Variants in GAD2 observed in about 807,000 individuals in gnomAD.
GAD2 encodes 65 kDa glutamic acid decarboxylase.
A neutral mutation model predicts 80.1 loss-of-function variants in GAD2; 22 were observed. The ratio of observed to expected loss-of-function variants is 0.27; its 90% CI spans 0.20 to 0.39. The LOEUF (loss-of-function observed/expected upper bound fraction) is 0.39, where lower values mean the gene tolerates loss of function less well. GAD2 is among the 10% of genes least tolerant of loss of function. The pLI is 1.00. For missense variants in GAD2, 624 were observed against 738.4 expected (o/e 0.85, Z 1.80); for synonymous variants, 274 against 256.9 (o/e 1.07, Z -0.64).
rs1027258107 is a variant in GAD2, at chr10:26,217,354, G to T, written c.77-256G>T. On this transcript the variant is annotated intron_variant, in intron 1 of 15. Coordinates refer to ENST00000376261, the MANE Select transcript of GAD2 (RefSeq NM_001134366.2). The surrounding 1 kb of genome is among the most constrained non-coding windows in gnomAD (Gnocchi z 4.9). ...GCAGGGAGAGGAATTTGCCTGAGCC[G>T]ATTGGCACCTGGAAGGGCAGCGGTG... Among the ~76,000 whole-genome samples the T allele has an allele frequency of 1.3e-5, 2 of 152,256 alleles. No homozygotes were observed. The highest frequency in any genetic ancestry group is 4.8e-5 in the African/African-American group (2 of 41,564).
At chr10:26,248,248 A>G (rs1250313793) in intron 8 of GAD2, among the ~76,000 whole-genome samples, 1 of 152,240 alleles carries the variant, frequency 6.6e-6, no homozygotes, top group Non-Finnish European at 1.5e-5. Flanking sequence ...AGCAGGACTT[A>G]TAGGACATAG....
rs774750698 is a variant in GAD2 at position 26,217,907 on chromosome 10, G to T, written c.202G>T (p.Ala68Ser). ...CGGGAGCCAACCCCCGCGGGCCGCC[G>T]CCCGGAAGGCCGCCTGCGCCTGCGA... is the stretch of plus-strand genomic sequence containing the variant. Reference protein sequence around the residue: ...SGGSQPPRAAARKAACACDQK... With the variant: ...SGGSQPPRAASRKAACACDQK... Residue 68 changes from alanine to serine, a missense_variant, in exon 3 of 16, where the codon GCC (alanine) becomes TCC (serine). By Grantham distance (99) the Ala-to-Ser change is moderately conservative (BLOSUM62 1). Transcript: ENST00000376261. The surrounding 1 kb of genome is among the most constrained non-coding windows in gnomAD (Gnocchi z 4.9). 2.5e-6 allele frequency: 4 copies of T among 1,610,072 alleles called. No homozygotes were observed. The East Asian group carries it at 8.9e-5, about 36-fold the overall frequency.
intron 8 of GAD2, among the ~76,000 whole-genome samples, chr10:26,260,046 T>A (rs969676762): frequency 6.6e-6 from 1 of 152,182 alleles, no homozygotes; most frequent in Non-Finnish European, 1.5e-5. Context: ...TATTTACATA[T>A]ATTTTAACAT....
chr10:26,248,838 T>G (rs1844842872), intron 8 of GAD2, among the ~76,000 whole-genome samples: 1 of 152,190 alleles, frequency 6.6e-6, no homozygotes, highest in African/African-American at 2.4e-5. Context: ...TTTTTTCTTT[T>G]GGGGCAAGGA....
At chr10:26,239,198 A>C (rs1300859015) in intron 7 of GAD2, among the ~76,000 whole-genome samples, 1 of 152,218 alleles carries the variant, frequency 6.6e-6, no homozygotes, top group African/African-American at 2.4e-5. Flanking sequence ...GGAAGGTAGA[A>C]TGCTTGATAG....
chr10:26,298,346 C>T (rs1834296597), intron 15 of GAD2, among the ~76,000 whole-genome samples: 2 of 152,128 alleles, frequency 1.3e-5, no homozygotes, highest in African/African-American at 4.8e-5. Flanking sequence ...GAATATACAA[C>T]GAAGTAGATG....
chr10:26,216,824 C>G lies in GAD2; in HGVS notation c.15C>G (p.Gly5=), dbSNP rs201811839. Residue 5 remains glycine (G), a synonymous_variant, in exon 1 of 16, where the codon GGC becomes GGG. Coordinates refer to ENST00000376261, the MANE Select transcript of GAD2 (RefSeq NM_001134366.2). This position sits in a 1 kb window ranked among gnomAD's most constrained non-coding sequence, Gnocchi z 4.7. ...CTCCAAAGCCGATGGCATCTCCGGG[C>G]TCTGGCTTTTGGTCTTTCGGGTCGG... MASP[G]SGFWSFGSED... is the part of the protein sequence containing the mutation. 4 of 1,612,658 alleles carry G rather than the reference C, an allele frequency of 2.5e-6. No homozygotes were observed. Among genetic ancestry groups the G allele is most frequent in the Admixed American group, 1.7e-5 (1 of 59,886 alleles).
At position 26,283,238 on chromosome 10, in the gene GAD2, T is replaced by C. The variant is rs1379883801; in HGVS notation, c.1236+2151T>C. 2.0e-5 allele frequency among the ~76,000 whole-genome samples: 3 copies of C among 152,304 alleles called. No individual in the cohort carries two copies. In the East Asian group the frequency reaches 5.8e-4, roughly 29 times the overall value. On this transcript the variant is annotated intron_variant, in intron 12 of 15. Transcript: ENST00000376261. ...ATTCACGGACTGTTTGAGTAAAACA[T>C]AGAAGCTTATTAATGTTTCAGATGA...
At chr10:26,266,559 G>T (rs1342651084) in intron 8 of GAD2, among the ~76,000 whole-genome samples, 1 of 152,148 alleles carries the variant, frequency 6.6e-6, no homozygotes, top group Non-Finnish European at 1.5e-5. Context: ...CCATATGTCA[G>T]GCTCTGGGTC....
chr10:26,216,682 G>C (rs1844374846), upstream of GAD2: 2 of 576,936 alleles, frequency 3.5e-6, no homozygotes, highest in Non-Finnish European at 2.8e-6. This position sits in a 1 kb window ranked among gnomAD's most constrained non-coding sequence, Gnocchi z 4.7. Context: ...CTCGCCGCTC[G>C]GCCCCGCCGG....
upstream of GAD2, chr10:26,216,646 T>A: frequency 2.0e-6 from 1 of 491,842 alleles, no homozygotes; most frequent in South Asian, 2.9e-5. The surrounding 1 kb of genome is among the most constrained non-coding windows in gnomAD (Gnocchi z 4.7). Context: ...GACACGCACG[T>A]TTTCTGTTCC....
Position 26,302,882 on chromosome 10 carries a change from C to A in GAD2, c.*1921C>A, listed in dbSNP as rs1834342534. ...CCCGCAGAATTTCATGAAGGAGTAA[C>A]CTTCCATTCTAGGCTTTGTCTAATG... On this transcript the variant is annotated 3_prime_UTR_variant, in exon 16 of 16. Transcript: ENST00000376261. 3 of 152,154 alleles carry A rather than the reference C, an allele frequency of 2.0e-5. No homozygotes were observed. Among genetic ancestry groups the A allele is most frequent in the Admixed American group, 6.5e-5 (1 of 15,276 alleles). The allele number at this position is 152,154 out of a possible 1,614,324, so 9.4% of individuals were successfully genotyped here. A position where few individuals can be genotyped will look rare whatever the true frequency, so the allele number is the denominator to read the frequency against.
chr10:26,250,421 G>A (rs1470932120), intron 8 of GAD2, among the ~76,000 whole-genome samples: 1 of 152,174 alleles, frequency 6.6e-6, no homozygotes, highest in African/African-American at 2.4e-5. Flanking sequence ...TACACCCCTT[G>A]GGAGAGACAG....
At chr10:26,254,654 A>G (rs1285824732) in intron 8 of GAD2, among the ~76,000 whole-genome samples, 1 of 152,252 alleles carries the variant, frequency 6.6e-6, no homozygotes, top group Non-Finnish European at 1.5e-5. Flanking sequence ...ACTAAAAGAC[A>G]TGGGACATCA....
In GAD2 at chr10:26,300,675, A is replaced by G. The variant is rs8190798; in HGVS notation, c.1585-113A>G. Reference sequence around the variant, plus strand: ...GAGGTAACTCTTTCAAGAGAAAACAATAAGGTTCTGACTGTTGAGCTAAAA... The same window carrying G: ...GAGGTAACTCTTTCAAGAGAAAACAGTAAGGTTCTGACTGTTGAGCTAAAA... On this transcript the variant is annotated intron_variant, in intron 15 of 15. Coordinates refer to ENST00000376261, the MANE Select transcript of GAD2 (RefSeq NM_001134366.2). The G allele has an allele frequency of 0.021, 19,232 of 905,662 alleles. 2,317 individuals carry two copies. In the African/African-American group the frequency reaches 0.27, roughly 13 times the overall value. The allele number at this position is 905,662 out of a possible 1,614,324, so 56.1% of individuals were successfully genotyped here.
At chr10:26,233,985 C>T (rs932269115) in intron 7 of GAD2, among the ~76,000 whole-genome samples, 7 of 152,100 alleles carry the variant, frequency 4.6e-5, no homozygotes, top group Non-Finnish European at 8.8e-5. Flanking sequence ...TGCCTCAGTG[C>T]CTGGGACACA....
chr10:26,226,987 A>G (rs1411667932), intron 6 of GAD2, among the ~76,000 whole-genome samples: 1 of 151,976 alleles, frequency 6.6e-6, no homozygotes, highest in Non-Finnish European at 1.5e-5. Flanking sequence ...GCTTTTATTC[A>G]TGTATTTTAT....
intron 8 of GAD2, among the ~76,000 whole-genome samples, chr10:26,258,427 T>G (rs1844970142): frequency 6.6e-6 from 1 of 152,194 alleles, no homozygotes; most frequent in Non-Finnish European, 1.5e-5. Flanking sequence ...ATTGTGCATT[T>G]CAGTGGTGTG....
Position 26,217,702 on chromosome 10 carries a change from G to A in GAD2, c.136+33G>A. ...CCCAGGGACCGGGGCGGCCAAGGTC[G>A]GCCCGCGGGGTCCAAGCAGTCTTCT... On this transcript the variant is annotated intron_variant, in intron 2 of 15. Coordinates refer to ENST00000376261, the MANE Select transcript of GAD2 (RefSeq NM_001134366.2). The surrounding 1 kb of genome is among the most constrained non-coding windows in gnomAD (Gnocchi z 4.9). The A allele has an allele frequency of 6.2e-7, 1 of 1,608,468 alleles. No homozygotes were observed. The highest frequency in any genetic ancestry group is 8.5e-7 in the Non-Finnish European group (1 of 1,177,180).
Sources: allele counts gnomAD v4.1 joint callset (sites outside exome capture counted in the v4.1 genomes callset), GRCh38; gene constraint gnomAD v4.1.1; non-coding constraint Gnocchi (gnomAD v3.1); transcripts MANE v1.5; gene names NCBI Gene and HGNC (gene_info 2026-07-23, HGNC 2026-07-21).